RALYL: variants seen among roughly 807,000 people sequenced by gnomAD.
RALYL encodes RNA-binding Raly-like protein.
RALYL carries 29 observed loss-of-function variants against 35.1 expected under a neutral mutation model. The ratio of observed to expected loss-of-function variants is 0.83; its 90% CI spans 0.61 to 1.13. The LOEUF (loss-of-function observed/expected upper bound fraction) is 1.13, where lower values mean the gene tolerates loss of function less well. RALYL is among the 50% of genes most tolerant of loss of function. RALYL has a pLI of 0.00. For synonymous variants in RALYL, 120 were observed against 127.6 expected (o/e 0.94, Z 0.40); for missense variants, 359 against 360.4 (o/e 1.00, Z 0.03).
intron 2 of RALYL, among the ~76,000 whole-genome samples, chr8:84,686,403 T>TTTG (rs138952523): frequency 0.052 from 7,943 of 151,990 alleles, 458 homozygotes; most frequent in African/African-American, 0.14. Flanking sequence ...ATATTGTTTG[T>TTTG]TTGTTTGTTT....
At chr8:84,364,209 T>C (rs939388999) in intron 1 of RALYL, among the ~76,000 whole-genome samples, 13 of 152,190 alleles carry the variant, frequency 8.5e-5, no homozygotes, top group African/African-American at 3.1e-4. Flanking sequence ...AACCATCGCT[T>C]CTGACAAAAT....
chr8:84,597,881 T>A (rs993069167), intron 2 of RALYL, among the ~76,000 whole-genome samples: 1 of 152,152 alleles, frequency 6.6e-6, no homozygotes, highest in Non-Finnish European at 1.5e-5. Context: ...TTAAAATATT[T>A]AATATCTGGC....
intron 1 of RALYL, among the ~76,000 whole-genome samples, chr8:84,298,470 G>C (rs1840183319): frequency 6.6e-6 from 1 of 152,078 alleles, no homozygotes; most frequent in Non-Finnish European, 1.5e-5. Context: ...TTGGAGTATA[G>C]TTTGAAGTTG....
At chr8:84,799,196 T>G (rs1195379970) in intron 3 of RALYL, among the ~76,000 whole-genome samples, 1 of 151,994 alleles carries the variant, frequency 6.6e-6, no homozygotes, top group Non-Finnish European at 1.5e-5. Flanking sequence ...GAGTGTGCAG[T>G]CTTAGGGGGA....
chr8:84,422,345 T>C (rs2045741308), intron 1 of RALYL, among the ~76,000 whole-genome samples: 2 of 126,050 alleles, frequency 1.6e-5, no homozygotes, highest in Non-Finnish European at 1.6e-5. Context: ...TAGAGGTGTT[T>C]GTAGTATTCT....
chr8:84,864,228 G>T (rs578126617), intron 6 of RALYL, among the ~76,000 whole-genome samples: 13 of 151,818 alleles, frequency 8.6e-5, no homozygotes, highest in Admixed American at 4.6e-4. Flanking sequence ...TGTAAGATGC[G>T]ACAGTCTTGA....
chr8:84,912,366 T>C (rs1847654976), intron 8 of RALYL, among the ~76,000 whole-genome samples: 1 of 152,054 alleles, frequency 6.6e-6, no homozygotes, highest in South Asian at 2.1e-4. Context: ...ACCAAAAATA[T>C]ATATTCCTTA....
chr8:84,423,378 CT>C (rs1359396374), intron 1 of RALYL, among the ~76,000 whole-genome samples: 6 of 149,958 alleles, frequency 4.0e-5, no homozygotes, highest in Admixed American at 2.6e-4. Flanking sequence ...CAACCCCTGC[CT>C]TTTTTTGTTT....
chr8:84,254,528 A>C (rs1469387907), intron 1 of RALYL, among the ~76,000 whole-genome samples: 1 of 151,860 alleles, frequency 6.6e-6, no homozygotes, highest in Non-Finnish European at 1.5e-5. Context: ...GGGGTGAGTA[A>C]ATTTTCCTTT....
At chr8:84,648,077 T>C (rs1222941893) in intron 2 of RALYL, among the ~76,000 whole-genome samples, 1 of 152,050 alleles carries the variant, frequency 6.6e-6, no homozygotes, top group Non-Finnish European at 1.5e-5. Context: ...TTAGGGACTC[T>C]CCAGCAGAGT....
At chr8:84,768,933 G>C (rs928147921) in intron 2 of RALYL, among the ~76,000 whole-genome samples, 1 of 152,244 alleles carries the variant, frequency 6.6e-6, no homozygotes, top group Middle Eastern at 3.4e-3. Context: ...TGAATATGCT[G>C]TCAATCTAAG....
intron 5 of RALYL, among the ~76,000 whole-genome samples, chr8:84,853,855 T>C (rs1020447158): frequency 2.0e-5 from 3 of 152,174 alleles, no homozygotes; most frequent in Non-Finnish European, 2.9e-5. Context: ...TCTCTCTCTT[T>C]TAGCAGAGGT....
chr8:84,734,529 TTCAG>T (rs1269596442), intron 2 of RALYL, among the ~76,000 whole-genome samples: 7 of 152,258 alleles, frequency 4.6e-5, no homozygotes, highest in African/African-American at 1.7e-4. Flanking sequence ...GCAAAAAATT[TTCAG>T]TCAATCAGTA....
At chr8:84,369,155 C>G (rs16912712) in intron 1 of RALYL, among the ~76,000 whole-genome samples, 4,489 of 152,148 alleles carry the variant, frequency 0.03, 215 homozygotes, top group African/African-American at 0.1. Flanking sequence ...AAGTTTATCG[C>G]TGTCCTCAGG....
At chr8:84,383,959 A>G (rs190267762) in intron 1 of RALYL, among the ~76,000 whole-genome samples, 1 of 151,840 alleles carries the variant, frequency 6.6e-6, no homozygotes, top group East Asian at 1.9e-4. Flanking sequence ...AGGATAAAGA[A>G]ACAACTTAAA....
intron 1 of RALYL, among the ~76,000 whole-genome samples, chr8:84,301,987 A>T (rs1218979132): frequency 6.6e-6 from 1 of 152,074 alleles, no homozygotes; most frequent in South Asian, 2.1e-4. Flanking sequence ...GGGTAAGGGG[A>T]ATTAAAAATT....
intron 2 of RALYL, among the ~76,000 whole-genome samples, chr8:84,719,556 A>G (rs1452045955): frequency 6.6e-6 from 1 of 152,210 alleles, no homozygotes; most frequent in Non-Finnish European, 1.5e-5. Flanking sequence ...TGAAAGTGCC[A>G]TGAAATCCAT....
intron 1 of RALYL, among the ~76,000 whole-genome samples, chr8:84,370,240 A>C (rs1855409995): frequency 1.3e-5 from 2 of 152,130 alleles, no homozygotes; most frequent in Admixed American, 1.3e-4. Flanking sequence ...TAGTGTTTAC[A>C]GGGGAACTAC....
At chr8:84,272,880 GT>G (rs1834602386) in intron 1 of RALYL, among the ~76,000 whole-genome samples, 1 of 152,226 alleles carries the variant, frequency 6.6e-6, no homozygotes, top group African/African-American at 2.4e-5. Context: ...CAAGGATAGT[GT>G]TTTTCCATGT....
Sources: gnomAD v4.1 joint callset for allele counts (sites outside exome capture counted in the v4.1 genomes callset) on GRCh38, gnomAD v4.1.1 for gene constraint, MANE v1.5 for transcripts, NCBI Gene and HGNC (gene_info 2026-07-23, HGNC 2026-07-21) for gene names.